The following SPTBN1 variants were observed in gnomAD, a reference collection of about 807,000 sequenced individuals.
SPTBN1 encodes spectrin beta chain, non-erythrocytic 1.
In SPTBN1, 32 loss-of-function variants were observed where a neutral mutation model predicts 266.4. The observed-to-expected ratio is 0.12, with a 90% CI of 0.09 to 0.16. SPTBN1 has a LOEUF of 0.16. SPTBN1 is among the 10% of genes least tolerant of loss of function. The pLI is 1.00. For synonymous variants in SPTBN1, 1,336 were observed against 1,162.2 expected, an observed-to-expected ratio of 1.15 and a Z score of -3.04; for missense variants, 2,296 against 3,067.1, an observed-to-expected ratio of 0.75 and a Z score of 5.94.
intron 2 of SPTBN1, among the ~76,000 whole-genome samples, chr2:54,584,942 G>A (rs191275448): frequency 1.8e-3 from 267 of 152,226 alleles, no homozygotes; most frequent in African/African-American, 6.0e-3. Context: ...CAAGGGAGAG[G>A]TGGGGTGGGA....
At chr2:54,620,099 C>G (rs10182310) in intron 7 of SPTBN1, among the ~76,000 whole-genome samples, 4,032 of 152,304 alleles carry the variant, frequency 0.026, 162 homozygotes, top group African/African-American at 0.089. Flanking sequence ...TGTTCCTTCT[C>G]TCAGTACCTA....
At chr2:54,637,904 C>T (rs1482172258) in intron 18 of SPTBN1, 101 bp downstream of exon 18, 3 of 1,018,926 alleles carry the variant, frequency 2.9e-6, no homozygotes, top group Non-Finnish European at 4.4e-6. Context: ...TTAATGAAAC[C>T]AGAAATCCAT....
intron 8 of SPTBN1, 33 bp from the exon 9 acceptor site, chr2:54,622,267 G>C (rs1472642239): frequency 6.3e-7 from 1 of 1,599,066 alleles, no homozygotes; most frequent in East Asian, 2.3e-5. Flanking sequence ...GGAGTGACAT[G>C]ATCTTTTCAA....
chr2:54,645,066 A>C lies in SPTBN1; in HGVS notation c.4270-163A>C, dbSNP rs1470499089. ...ATTTACCTCAGATTTACTTGAAAAC[A>C]GTTCCATTGATGTTGAAAAGCAAGT... On this transcript the variant is annotated intron_variant, in intron 20 of 35. Coordinates refer to ENST00000356805, the MANE Select transcript of SPTBN1 (RefSeq NM_003128.3). The surrounding 1 kb of genome is among the most constrained non-coding windows in gnomAD (Gnocchi z 4.3). 1 of 648,224 alleles carries C rather than the reference A, an allele frequency of 1.5e-6. No individual in the cohort carries two copies. Among genetic ancestry groups the C allele is most frequent in the East Asian group, 2.7e-5 (1 of 36,450 alleles). The allele number at this position is 648,224 out of a possible 1,614,324, so 40.2% of individuals were successfully genotyped here.
intron 3 of SPTBN1, among the ~76,000 whole-genome samples, chr2:54,608,200 G>A (rs1283948240): frequency 6.6e-6 from 1 of 152,190 alleles, no homozygotes; most frequent in Non-Finnish European, 1.5e-5. Flanking sequence ...AAACCCCTGA[G>A]AATATAGAAG....
At chr2:54,657,616 A>G (rs1244050402) in intron 29 of SPTBN1, among the ~76,000 whole-genome samples, 2 of 152,242 alleles carry the variant, frequency 1.3e-5, no homozygotes, top group Non-Finnish European at 2.9e-5. Flanking sequence ...GAAATACACT[A>G]TTAAAGTTAA....
intron 24 of SPTBN1, among the ~76,000 whole-genome samples, chr2:54,647,975 A>C (rs1175358887): frequency 6.6e-6 from 1 of 152,246 alleles, no homozygotes; most frequent in Non-Finnish European, 1.5e-5. Flanking sequence ...AGCATTAGAC[A>C]AGAATGCATA....
intron 34 of SPTBN1, among the ~76,000 whole-genome samples, chr2:54,666,880 G>A (rs961698766): frequency 6.6e-6 from 1 of 152,224 alleles, no homozygotes; most frequent in Admixed American, 6.5e-5. Context: ...CTGCTGCTGC[G>A]CAGTGCAGGC....
intron 2 of SPTBN1, among the ~76,000 whole-genome samples, chr2:54,531,868 A>T (rs538166772): frequency 6.6e-6 from 1 of 152,276 alleles, no homozygotes; most frequent in Admixed American, 6.5e-5. Context: ...GGCAGGATTG[A>T]AAGCAACAGC....
At position 54,666,068 on chromosome 2, in the gene SPTBN1, G is replaced by A. The variant is rs144481799; in HGVS notation, c.6813G>A (p.Lys2271=). 65 of 1,612,448 alleles carry A rather than the reference G, an allele frequency of 4.0e-5. No individual in the cohort carries two copies. The highest frequency in any genetic ancestry group is 5.3e-5 in the Non-Finnish European group (63 of 1,179,590). Reference sequence around the variant, plus strand: ...AAGTGGCCCTTGATTACAAAAAGAAGAAACACGTATTCAAGCTAAGGTGAG... The same window carrying A: ...AAGTGGCCCTTGATTACAAAAAGAAAAAACACGTATTCAAGCTAAGGTGAG... ...VCEVALDYKK[K]KHVFKLRLND... is the part of the protein sequence containing the mutation. The change falls in exon 34 of 36, where the codon AAG becomes AAA. Residue 2271 remains lysine, a synonymous_variant. Coordinates refer to ENST00000356805, the MANE Select transcript of SPTBN1 (RefSeq NM_003128.3).
At chr2:54,605,382 G>A (rs1478161514) in intron 3 of SPTBN1, among the ~76,000 whole-genome samples, 1 of 152,166 alleles carries the variant, frequency 6.6e-6, no homozygotes, top group Non-Finnish European at 1.5e-5. Context: ...CTAGCTGGTA[G>A]ATTGCTTCAT....
intron 31 of SPTBN1, among the ~76,000 whole-genome samples, 170 bp from the exon 32 acceptor site, chr2:54,659,766 T>G (rs973125501): frequency 6.6e-6 from 1 of 152,190 alleles, no homozygotes; most frequent in Non-Finnish European, 1.5e-5. Context: ...TATTTTTCTG[T>G]CTAGAGTCTA....
At chr2:54,512,008 C>A (rs763196157) in intron 1 of SPTBN1, among the ~76,000 whole-genome samples, 2 of 152,184 alleles carry the variant, frequency 1.3e-5, no homozygotes, top group South Asian at 4.1e-4. Flanking sequence ...GCGTTAGATT[C>A]TCATAAGGAG....
rs1427264020 is a variant in SPTBN1, at chr2:54,558,477, G to C, written c.148+31911G>C. ...GGCCATATTTAAAAGTTCTGAAGTA[G>C]AACCTGCGCCTCCTCTCTGCTTCTC... On this transcript the variant is annotated intron_variant, in intron 2 of 35. Transcript: ENST00000356805. The surrounding 1 kb of genome is among the most constrained non-coding windows in gnomAD (Gnocchi z 4.6). 2.7e-6 allele frequency: 3 copies of C among 1,114,954 alleles called. No homozygotes were observed. Among genetic ancestry groups the C allele is most frequent in the East Asian group, 5.6e-5 (1 of 17,904 alleles). The allele number at this position is 1,114,954 out of a possible 1,614,324, so 69.1% of individuals were successfully genotyped here. A position where few individuals can be genotyped will look rare whatever the true frequency, so the allele number is the denominator to read the frequency against.
At chr2:54,491,543 A>G (rs1668682684) in intron 1 of SPTBN1, among the ~76,000 whole-genome samples, 1 of 152,204 alleles carries the variant, frequency 6.6e-6, no homozygotes, top group Non-Finnish European at 1.5e-5. Context: ...GTAATCATAA[A>G]CATTTAAATT....
At chr2:54,634,562 A>G (rs140926531) in intron 17 of SPTBN1, among the ~76,000 whole-genome samples, 2 of 152,282 alleles carry the variant, frequency 1.3e-5, no homozygotes, top group African/African-American at 4.8e-5. Context: ...TCACTTTAAT[A>G]TCCCCAGAGG....
At chr2:54,496,288 A>T (rs1668963750) in intron 1 of SPTBN1, among the ~76,000 whole-genome samples, 1 of 152,070 alleles carries the variant, frequency 6.6e-6, no homozygotes, top group Non-Finnish European at 1.5e-5. Flanking sequence ...AATACAAAAA[A>T]TTAGCCAGGC....
intron 2 of SPTBN1, among the ~76,000 whole-genome samples, chr2:54,589,389 C>G (rs1369236411): frequency 6.6e-6 from 1 of 152,178 alleles, no homozygotes; most frequent in Non-Finnish European, 1.5e-5. Flanking sequence ...TCCACATTGG[C>G]AAACTGGGGT....
chr2:54,498,634 CTA>C (rs1443379831), intron 1 of SPTBN1, among the ~76,000 whole-genome samples: 5 of 152,206 alleles, frequency 3.3e-5, no homozygotes, highest in African/African-American at 4.8e-5. Flanking sequence ...AATAACGCAA[CTA>C]TATATACATC....
Sources: allele counts gnomAD v4.1 joint callset (sites outside exome capture counted in the v4.1 genomes callset), GRCh38; gene constraint gnomAD v4.1.1; non-coding constraint Gnocchi (gnomAD v3.1); transcripts MANE v1.5; gene names NCBI Gene and HGNC (gene_info 2026-07-23, HGNC 2026-07-21).